POLD3: variants seen among roughly 807,000 people sequenced by gnomAD.
POLD3 encodes DNA polymerase delta subunit 3.
In POLD3, 19 loss-of-function variants were observed where a neutral mutation model predicts 58.2. That is an observed-to-expected ratio of 0.33 (90% confidence interval 0.23 to 0.48). POLD3 has a LOEUF of 0.48. Among genes scored for constraint, POLD3 ranks in the 20% least tolerant of loss-of-function variants. POLD3 has a pLI of 0.99. For synonymous variants in POLD3, 172 were observed against 193.5 expected (o/e 0.89, Z 0.92); for missense variants, 504 against 545.5 (o/e 0.92, Z 0.76).
chr11:74,631,673 G>A (rs2032595472), intron 9 of POLD3, among the ~76,000 whole-genome samples: 3 of 151,752 alleles, frequency 2.0e-5, no homozygotes, highest in Admixed American at 2.0e-4. Flanking sequence ...TAGTAGAGAT[G>A]GGGTTTCACC....
At chr11:74,609,365 TA>T (rs2031815221) in intron 3 of POLD3, among the ~76,000 whole-genome samples, 8 of 23,932 alleles carry the variant, frequency 3.3e-4, no homozygotes, top group African/African-American at 2.6e-3. Flanking sequence ...TATATATATA[TA>T]TATATATTTT....
intron 4 of POLD3, among the ~76,000 whole-genome samples, chr11:74,611,834 G>C (rs1433392435): frequency 1.3e-5 from 2 of 152,194 alleles, no homozygotes; most frequent in Non-Finnish European, 1.5e-5. Context: ...CTCATCAACT[G>C]TGAAAAGACA....
intron 9 of POLD3, among the ~76,000 whole-genome samples, chr11:74,633,942 G>C (rs1357550655): frequency 1.3e-5 from 2 of 152,174 alleles, no homozygotes; most frequent in African/African-American, 2.4e-5. Context: ...GTTAACATCA[G>C]CTGGAAATTT....
At position 74,625,458 on chromosome 11, in the gene POLD3, A is replaced by G. The variant is rs780418272; in HGVS notation, c.784A>G (p.Ile262Val). 1 of 1,613,556 alleles carries G rather than the reference A, an allele frequency of 6.2e-7. No individual in the cohort carries two copies. Among genetic ancestry groups the G allele is most frequent in the South Asian group, 1.1e-5 (1 of 90,926 alleles). The change falls in exon 8 of 12, where the codon ATA (isoleucine) becomes GTA (valine). Residue 262 changes from isoleucine to valine, a missense_variant. This residue lies in a region of POLD3 where 385 missense variants were observed against 370.5 expected (regional missense o/e 1.04). Coordinates refer to ENST00000263681, the MANE Select transcript of POLD3 (RefSeq NM_006591.3). ...AGAACAAGCAGTGAAAGAAGAAAAA[A>G]TAGTGGAGCAGCCTACAGTGTCTGT... ...DSEQAVKEEK[I>V]VEQPTVSVTE...
At chr11:74,665,184 GCTGCATGC>G (rs1565136905) in intron 4 of POLD3, among the ~76,000 whole-genome samples, 2 of 149,832 alleles carry the variant, frequency 1.3e-5, no homozygotes, top group Non-Finnish European at 3.0e-5. Context: ...TTGGCATGGG[GCTGCATGC>G]CTGTAGTCCC....
chr11:74,636,205 T>C lies in POLD3; in HGVS notation c.1128T>C (p.Ser376=), dbSNP rs1414328517. The change falls in exon 11 of 12, where the codon AGT becomes AGC. Residue 376 remains serine, a synonymous_variant. Coordinates refer to ENST00000263681, the MANE Select transcript of POLD3 (RefSeq NM_006591.3). ...EPEPPSVKSS[S]GENKRKRKRV... ...ATCCTCTGACCTTTTAGAGCTCAAG[T>C]GGAGAAAACAAAAGAAAACGAAAAC... 1.9e-6 allele frequency: 3 copies of C among 1,609,170 alleles called. No homozygotes were observed. The highest frequency in any genetic ancestry group is 2.6e-6 in the Non-Finnish European group (3 of 1,175,656).
chr11:74,607,581 A>T (rs549660222), intron 3 of POLD3, among the ~76,000 whole-genome samples: 3 of 150,976 alleles, frequency 2.0e-5, no homozygotes, highest in East Asian at 3.9e-4. Context: ...TTTATTTTTT[A>T]TTTATTTATT....
intron 4 of POLD3, chr11:74,668,742 AT>A: frequency 7.8e-7 from 1 of 1,276,722 alleles, no homozygotes; most frequent in Non-Finnish European, 1.0e-6. Context: ...GGGAAGATAT[AT>A]AGAGTTTTCC....
chr11:74,624,013 A>C (rs2032349795), intron 7 of POLD3, among the ~76,000 whole-genome samples: 1 of 152,216 alleles, frequency 6.6e-6, no homozygotes. Context: ...TGGTAAACTC[A>C]ATGCAATAGC....
chr11:74,631,477 C>CTTTTTT lies in POLD3; in HGVS notation c.1006+2169_1006+2174dup, dbSNP rs1158260012. On this transcript the variant is annotated intron_variant, in intron 9 of 11. Coordinates refer to ENST00000263681, the MANE Select transcript of POLD3 (RefSeq NM_006591.3). ...ATGGTTTTCTTTTGTTTTGTCTTGTCTTTTTTTTTTTTTTTTTTTTGAGAC... is the reference window on the plus strand; with the variant it reads ...ATGGTTTTCTTTTGTTTTGTCTTGTCTTTTTTTTTTTTTTTTTTTTTTTTTTGAGAC... Among the ~76,000 whole-genome samples, 98 of 110,272 alleles carry CTTTTTT rather than the reference C, an allele frequency of 8.9e-4. 1 individual carries two copies. The highest frequency in any genetic ancestry group is 1.1e-3 in the Non-Finnish European group (63 of 56,068). 72.3% of individuals were successfully genotyped at this position (110,272 alleles called of 152,430 possible).
At chr11:74,604,571 T>C in intron 2 of POLD3, 121 bp from the exon 3 acceptor site, 1 of 637,284 alleles carries the variant, frequency 1.6e-6, no homozygotes, top group Admixed American at 2.8e-5. Context: ...GCAAAAATGC[T>C]ACTGTTCAGA....
In POLD3 at chr11:74,640,783, G is replaced by C. The variant is rs200591609; in HGVS notation, c.*17G>C. ...AGGAAATAAACTGCCATCTCTGGTA[G>C]ATCAGAGACTTGGAGTGGTCAAGGG... On this transcript the variant is annotated 3_prime_UTR_variant, in exon 12 of 12. Coordinates refer to ENST00000263681, the MANE Select transcript of POLD3 (RefSeq NM_006591.3). The C allele has an allele frequency of 4.4e-4, 688 of 1,562,724 alleles. 9 individuals carry two copies. In the South Asian group the frequency reaches 6.5e-3, roughly 15 times the overall value.
intron 9 of POLD3, among the ~76,000 whole-genome samples, chr11:74,631,528 G>A (rs1428409385): frequency 7.5e-6 from 1 of 133,232 alleles, no homozygotes; most frequent in Non-Finnish European, 1.5e-5. Flanking sequence ...CGCCCAGGCT[G>A]GAGTGCAGTG....
intron 11 of POLD3, 76 bp downstream of exon 11, chr11:74,636,351 A>G: frequency 7.0e-7 from 1 of 1,419,548 alleles, no homozygotes; most frequent in Non-Finnish European, 9.8e-7. Context: ...CCCTTTTAGA[A>G]CAGGTACATC....
downstream of POLD3, among the ~76,000 whole-genome samples, chr11:74,646,008 G>A (rs1243585817): frequency 6.6e-6 from 1 of 151,400 alleles, no homozygotes; most frequent in African/African-American, 2.4e-5. Flanking sequence ...GCACAATCTC[G>A]GCTCACTGCA....
At chr11:74,636,046 G>A (rs2032740784) in intron 10 of POLD3, 151 bp from the exon 11 acceptor site, 1 of 688,446 alleles carries the variant, frequency 1.5e-6, no homozygotes, top group Non-Finnish European at 2.5e-6. Flanking sequence ...GTGTGATGGG[G>A]TTGGTTCTCT....
At chr11:74,659,411 G>A (rs764440960) in intron 4 of POLD3, among the ~76,000 whole-genome samples, 1 of 152,192 alleles carries the variant, frequency 6.6e-6, no homozygotes, top group South Asian at 2.1e-4. Flanking sequence ...TGGTCTTGGG[G>A]ATTAATGCTA....
intron 7 of POLD3, among the ~76,000 whole-genome samples, chr11:74,622,733 C>T (rs1389872871): frequency 6.6e-6 from 1 of 152,180 alleles, no homozygotes; most frequent in Non-Finnish European, 1.5e-5. Context: ...CCCTTGTGCT[C>T]TGCTGTAGGG....
downstream of POLD3, among the ~76,000 whole-genome samples, chr11:74,645,958 A>C (rs2032994126): frequency 6.6e-6 from 1 of 150,510 alleles, no homozygotes; most frequent in East Asian, 1.9e-4. Flanking sequence ...TTTTTTTTTA[A>C]GACAGAGTCT....
Sources: gnomAD v4.1 joint callset for allele counts (sites outside exome capture counted in the v4.1 genomes callset) on GRCh38, gnomAD v4.1.1 for gene constraint, gnomAD v4.1.1 regional missense constraint, MANE v1.5 for transcripts, NCBI Gene and HGNC (gene_info 2026-07-23, HGNC 2026-07-21) for gene names.